AATF: variants seen among roughly 807,000 people sequenced by gnomAD.
AATF encodes the protein protein AATF.
A neutral mutation model predicts 63.7 loss-of-function variants in AATF; 48 were observed. The ratio of observed to expected loss-of-function variants is 0.75; its 90% confidence interval spans 0.60 to 0.96. The LOEUF (loss-of-function observed/expected upper bound fraction) is 0.96. Among genes scored for constraint, AATF ranks in the 40% least tolerant of loss-of-function variants. AATF has a pLI of 0.00. For synonymous variants in AATF, 258 were observed against 247.7 expected (o/e 1.04, Z -0.39); for missense variants, 639 against 685.7 (o/e 0.93, Z 0.76).
intron 4 of AATF, among the ~76,000 whole-genome samples, chr17:36,956,264 G>C (rs986216364): frequency 6.6e-6 from 1 of 152,230 alleles, no homozygotes; most frequent in Admixed American, 6.5e-5. Context: ...TCTAAGGTGG[G>C]AGGGTAGGGA....
At chr17:36,972,940 A>G (rs2071050814) in intron 4 of AATF, among the ~76,000 whole-genome samples, 1 of 152,118 alleles carries the variant, frequency 6.6e-6, no homozygotes, top group Non-Finnish European at 1.5e-5. Flanking sequence ...TTCATAATCA[A>G]TGCAAGTCAG....
chr17:36,959,738 G>C (rs955376149), intron 4 of AATF, among the ~76,000 whole-genome samples: 1 of 151,988 alleles, frequency 6.6e-6, no homozygotes, highest in Non-Finnish European at 1.5e-5. Context: ...TTTCATTACA[G>C]GTCTAAAATG....
intron 4 of AATF, among the ~76,000 whole-genome samples, chr17:36,984,795 C>A (rs112820242): frequency 6.6e-6 from 1 of 151,754 alleles, no homozygotes; most frequent in South Asian, 2.1e-4. Context: ...CCATCAAAAC[C>A]GGCTAGTTTT....
chr17:36,958,169 T>TC (rs2070917518), intron 4 of AATF, among the ~76,000 whole-genome samples: 1 of 149,976 alleles, frequency 6.7e-6, no homozygotes, highest in African/African-American at 2.5e-5. Context: ...TTCTTTTTTT[T>TC]CTTTTTTTTT....
intron 4 of AATF, among the ~76,000 whole-genome samples, chr17:36,962,747 G>T (rs902119580): frequency 6.6e-6 from 1 of 152,104 alleles, no homozygotes; most frequent in Admixed American, 6.6e-5. Context: ...TGGTGAAGTT[G>T]TACATATCAT....
Position 36,991,787 on chromosome 17 carries a change from G to A in AATF, c.1398+930G>A, listed in dbSNP as rs577079694. Among the ~76,000 whole-genome samples, 251 of 152,004 alleles carry A rather than the reference G, an allele frequency of 1.7e-3. No individual in the cohort carries two copies. In the Middle Eastern group the frequency reaches 0.017, roughly 10 times the overall value. ...TTTTTAGTAGAGACGGGGTTTCACCGTGTTAGCCAGGAGGGTCTCAATTTC... is the reference window on the plus strand; with the variant it reads ...TTTTTAGTAGAGACGGGGTTTCACCATGTTAGCCAGGAGGGTCTCAATTTC... On this transcript the variant is annotated intron_variant, in intron 8 of 11. Coordinates refer to ENST00000619387, the MANE Select transcript of AATF (RefSeq NM_012138.4).
At chr17:37,020,293 C>CT (rs942873478) in intron 9 of AATF, among the ~76,000 whole-genome samples, 30 of 146,882 alleles carry the variant, frequency 2.0e-4, no homozygotes, top group Admixed American at 4.1e-4. Context: ...TTATTGTTGA[C>CT]TTTTTTTTTT....
chr17:36,996,268 C>T (rs1375241588), intron 8 of AATF, among the ~76,000 whole-genome samples: 2 of 151,740 alleles, frequency 1.3e-5, no homozygotes, highest in African/African-American at 4.8e-5. Context: ...TCCGTCTCTA[C>T]AAAAAATGCA....
intron 4 of AATF, among the ~76,000 whole-genome samples, chr17:36,968,270 C>CTTTTTTTTTTTTTTTTTTT (rs3049638): frequency 4.2e-5 from 1 of 23,790 alleles, no homozygotes; most frequent in Non-Finnish European, 7.6e-5. Context: ...TTCCTTCTTT[C>CTTTTTTTTTTTTTTTTTTT]TTTTTTTTTT....
intron 8 of AATF, among the ~76,000 whole-genome samples, chr17:36,998,000 A>G (rs1369731109): frequency 6.6e-6 from 1 of 152,210 alleles, no homozygotes; most frequent in Non-Finnish European, 1.5e-5. Flanking sequence ...ATATGTTCCC[A>G]TGGGTATGTG....
intron 8 of AATF, among the ~76,000 whole-genome samples, chr17:37,011,380 C>G (rs1386510938): frequency 6.7e-6 from 1 of 150,180 alleles, no homozygotes; most frequent in Admixed American, 6.6e-5. Context: ...GCCTCAAAAA[C>G]AAAAAAAAAG....
intron 8 of AATF, among the ~76,000 whole-genome samples, chr17:37,008,684 A>G (rs2071360006): frequency 6.6e-6 from 1 of 152,092 alleles, no homozygotes; most frequent in Non-Finnish European, 1.5e-5. Flanking sequence ...GGCAACATAG[A>G]GAGACCCCAT....
chr17:36,957,199 A>G (rs1363520448), intron 4 of AATF, among the ~76,000 whole-genome samples: 1 of 152,212 alleles, frequency 6.6e-6, no homozygotes, highest in Non-Finnish European at 1.5e-5. Context: ...CATCTCAGCA[A>G]TGGATTAGCC....
At chr17:36,949,686 T>C (rs1415522242) in intron 1 of AATF, among the ~76,000 whole-genome samples, 3 of 152,262 alleles carry the variant, frequency 2.0e-5, no homozygotes, top group Non-Finnish European at 4.4e-5. Flanking sequence ...AAGACACTTG[T>C]TCAGTGGCTG....
intron 4 of AATF, 119 bp from the exon 5 acceptor site, chr17:36,986,498 C>A: frequency 1.4e-6 from 1 of 736,694 alleles, no homozygotes; most frequent in East Asian, 2.5e-5. Context: ...TGTGTGTATC[C>A]TGTGCCTCCC....
At chr17:37,020,194 T>C (rs971020024) in intron 9 of AATF, among the ~76,000 whole-genome samples, 4 of 151,864 alleles carry the variant, frequency 2.6e-5, no homozygotes, top group African/African-American at 9.7e-5. Context: ...TATGTGAATC[T>C]TGTTTGGATT....
chr17:37,044,333 A>G (rs2071670834), intron 11 of AATF, among the ~76,000 whole-genome samples: 1 of 151,952 alleles, frequency 6.6e-6, no homozygotes, highest in Admixed American at 6.6e-5. Context: ...CCGGCTCCTT[A>G]TTTTGTTCTT....
At chr17:36,969,634 T>C (rs2071023528) in intron 4 of AATF, among the ~76,000 whole-genome samples, 1 of 152,212 alleles carries the variant, frequency 6.6e-6, no homozygotes, top group African/African-American at 2.4e-5. Context: ...TTATTATTTG[T>C]CCATTTGCTT....
intron 6 of AATF, 117 bp from the exon 7 acceptor site, chr17:36,989,130 C>G (rs1008451796): frequency 8.4e-7 from 1 of 1,192,900 alleles, no homozygotes; most frequent in Non-Finnish European, 1.1e-6. Flanking sequence ...ACAGAAAGTC[C>G]CTCCTGAAAA....
Sources: allele counts gnomAD v4.1 joint callset (sites outside exome capture counted in the v4.1 genomes callset), GRCh38; gene constraint gnomAD v4.1.1; transcripts MANE v1.5; gene names NCBI Gene and HGNC (gene_info 2026-07-23, HGNC 2026-07-21).